HOOK1: variants seen among roughly 807,000 people sequenced by gnomAD.
The protein encoded by HOOK1 is protein Hook homolog 1.
In HOOK1, 60 loss-of-function variants were observed where a neutral mutation model predicts 112.8. The ratio of observed to expected loss-of-function variants is 0.53; its 90% CI spans 0.43 to 0.66. The LOEUF (loss-of-function observed/expected upper bound fraction) is 0.66, where lower values mean the gene tolerates loss of function less well. Among genes scored for constraint, HOOK1 ranks in the 30% least tolerant of loss-of-function variants. The probability of loss-of-function intolerance (pLI) is 0.00; values close to 1 mark genes in which losing one functional copy is unlikely to be tolerated. For missense variants in HOOK1, 770 were observed against 856.0 expected, an observed-to-expected ratio of 0.90 and a Z score of 1.25; for synonymous variants, 294 against 283.8, an observed-to-expected ratio of 1.04 and a Z score of -0.36.
At chr1:59,847,237 A>G (rs1235032963) in intron 10 of HOOK1, 52 bp downstream of exon 10, 9 of 1,433,484 alleles carry the variant, frequency 6.3e-6, no homozygotes, top group East Asian at 4.6e-5. Context: ...CTATTTAGTC[A>G]ATTTGAGTAT....
At chr1:59,817,141 T>G (rs752589004) in intron 1 of HOOK1, among the ~76,000 whole-genome samples, 4 of 152,240 alleles carry the variant, frequency 2.6e-5, no homozygotes, top group Non-Finnish European at 5.9e-5. Context: ...TTTCTCTGTA[T>G]GTATAAACTT....
At chr1:59,849,036 T>G in intron 11 of HOOK1, 37 bp from the exon 12 acceptor site, 1 of 1,355,044 alleles carries the variant, frequency 7.4e-7, no homozygotes, top group East Asian at 2.3e-5. Context: ...ACTTATATAC[T>G]TTTAAGGACC....
chr1:59,873,567 A>C lies in HOOK1; in HGVS notation c.*602A>C, dbSNP rs1644090202. The C allele has an allele frequency of 6.6e-6, 1 of 151,694 alleles. No homozygotes were observed. The highest frequency in any genetic ancestry group is 2.4e-5 in the African/African-American group (1 of 41,326). The allele number at this position is 151,694 out of a possible 1,614,324, so 9.4% of individuals were successfully genotyped here. ...AATTGGAATGACTTTGGAATAATAA[A>C]ATTGACTAATTGGAAATTTTGCATA... On this transcript the variant is annotated 3_prime_UTR_variant, in exon 22 of 22. Transcript: ENST00000371208.
chr1:59,819,569 A>T (rs1391558813), intron 1 of HOOK1, among the ~76,000 whole-genome samples: 2 of 152,190 alleles, frequency 1.3e-5, no homozygotes, highest in Admixed American at 1.3e-4. Context: ...CTTCTCAGAG[A>T]CACTCCAATG....
At chr1:59,858,195 C>A (rs562111645) in intron 12 of HOOK1, among the ~76,000 whole-genome samples, 2 of 152,148 alleles carry the variant, frequency 1.3e-5, no homozygotes, top group African/African-American at 4.8e-5. Context: ...TCCTCTGTTA[C>A]ATAATTGCAT....
At chr1:59,815,314 C>A (rs548347772) in intron 1 of HOOK1, 134 bp downstream of exon 1, 352 of 818,654 alleles carry the variant, frequency 4.3e-4, no homozygotes, top group Non-Finnish European at 6.0e-4. Context: ...ACCTCGTGCC[C>A]TTGACCGAGA....
intron 2 of HOOK1, among the ~76,000 whole-genome samples, chr1:59,826,872 C>G (rs1293096994): frequency 6.6e-6 from 1 of 152,212 alleles, no homozygotes; most frequent in Admixed American, 6.5e-5. Flanking sequence ...AAGCGATGCT[C>G]CTGCCTCAGC....
intron 8 of HOOK1, among the ~76,000 whole-genome samples, chr1:59,842,272 T>G (rs2098401424): frequency 6.6e-6 from 1 of 152,092 alleles, no homozygotes; most frequent in Non-Finnish European, 1.5e-5. Flanking sequence ...ACCTTCAACA[T>G]CTTTTACATA....
At chr1:59,864,691 C>T (rs1643927653) in intron 17 of HOOK1, 25 bp downstream of exon 17, 1 of 1,409,776 alleles carries the variant, frequency 7.1e-7, no homozygotes, top group Non-Finnish European at 9.9e-7. Context: ...TATTTCTTTT[C>T]AAATATGAGA....
chr1:59,815,491 CT>C, intron 1 of HOOK1: 1 of 405,080 alleles, frequency 2.5e-6, no homozygotes, highest in Non-Finnish European at 4.4e-6. Flanking sequence ...CACCCATCCT[CT>C]TTTCTCCCCG....
At chr1:59,816,617 T>C (rs2098381720) in intron 1 of HOOK1, among the ~76,000 whole-genome samples, 1 of 152,218 alleles carries the variant, frequency 6.6e-6, no homozygotes, top group Non-Finnish European at 1.5e-5. Context: ...ATTATGTGAC[T>C]GTATCCACTC....
chr1:59,832,802 A>C (rs1376783353), intron 4 of HOOK1, among the ~76,000 whole-genome samples: 1 of 152,060 alleles, frequency 6.6e-6, no homozygotes, highest in Non-Finnish European at 1.5e-5. Context: ...CTATTCTTTA[A>C]AGTCGTCACA....
intron 8 of HOOK1, 44 bp from the exon 9 acceptor site, chr1:59,843,388 G>C: frequency 2.1e-6 from 3 of 1,411,188 alleles, no homozygotes; most frequent in Non-Finnish European, 2.9e-6. Flanking sequence ...TTATTTTTTT[G>C]TTTTTTTTCT....
rs1255135309 is a variant in HOOK1 at position 59,860,312 on chromosome 1, C to T, written c.1516C>T (p.Leu506=). The T allele has an allele frequency of 6.2e-7, 1 of 1,604,924 alleles. No homozygotes were observed. Among genetic ancestry groups the T allele is most frequent in the Admixed American group, 1.7e-5 (1 of 58,998 alleles). ...ACAGAAACACCGTAAAATGAATGAA[C>T]TGGAAACTGAGCAGAGGTGATATGC... is the stretch of plus-strand genomic sequence containing the variant. ...LEQKHRKMNE[L]ETEQRLSKER... Residue 506 remains leucine (L), a synonymous_variant, in exon 15 of 22, where the codon CTG becomes TTG. Coordinates refer to ENST00000371208, the MANE Select transcript of HOOK1 (RefSeq NM_015888.6).
At chr1:59,825,813 T>C (rs1197318767) in intron 2 of HOOK1, among the ~76,000 whole-genome samples, 1 of 152,156 alleles carries the variant, frequency 6.6e-6, no homozygotes, top group Non-Finnish European at 1.5e-5. Flanking sequence ...GTGTATAAAG[T>C]ATAGATAGAT....
chr1:59,820,512 C>G (rs1362626160), intron 1 of HOOK1, among the ~76,000 whole-genome samples: 1 of 152,194 alleles, frequency 6.6e-6, no homozygotes, highest in African/African-American at 2.4e-5. Flanking sequence ...AATATCTCTT[C>G]TCATGTATCT....
intron 16 of HOOK1, among the ~76,000 whole-genome samples, chr1:59,863,377 C>A (rs1282680299): frequency 1.3e-5 from 2 of 152,162 alleles, no homozygotes. Flanking sequence ...AGGACAGAAA[C>A]TTTAATGCAG....
intron 1 of HOOK1, 31 bp downstream of exon 1, chr1:59,815,211 GC>G (rs1559039033): frequency 1.3e-6 from 2 of 1,537,306 alleles, no homozygotes; most frequent in Admixed American, 2.0e-5. Context: ...GGGCGAGGGG[GC>G]CAGGGGGCCG....
chr1:59,823,394 G>C (rs1266450727), intron 2 of HOOK1, among the ~76,000 whole-genome samples: 2 of 152,204 alleles, frequency 1.3e-5, no homozygotes, highest in African/African-American at 2.4e-5. Context: ...TAATTCATCA[G>C]AGCCAAACAT....
Sources: allele counts gnomAD v4.1 joint callset (sites outside exome capture counted in the v4.1 genomes callset), GRCh38; gene constraint gnomAD v4.1.1; transcripts MANE v1.5; gene names NCBI Gene and HGNC (gene_info 2026-07-23, HGNC 2026-07-21).